Variants in NOMO1 observed in about 807,000 individuals in gnomAD.
NOMO1 encodes the protein NODAL modulator 1, also known as nodal modulator 3.
NOMO1 carries 40 observed loss-of-function variants against 133.8 expected under a neutral mutation model. That is an observed-to-expected ratio of 0.30 (90% confidence interval 0.23 to 0.39). The LOEUF is 0.39. Ranked by LOEUF, NOMO1 falls within the 10% of genes least tolerant of loss-of-function variation. The pLI, the probability that NOMO1 is intolerant of heterozygous loss-of-function variation, is 1.00. For missense variants in NOMO1, 462 were observed against 1,419.9 expected, an observed-to-expected ratio of 0.33 and a Z score of 10.84; for synonymous variants, 236 against 570.5, an observed-to-expected ratio of 0.41 and a Z score of 8.36.
At chr16:14,846,315 C>T (rs1963680987) in intron 4 of NOMO1, among the ~76,000 whole-genome samples, 1 of 151,190 alleles carries the variant, frequency 6.6e-6, no homozygotes, top group South Asian at 2.1e-4. Flanking sequence ...GCGTGAACCA[C>T]CACACCCGCC....
At chr16:14,877,317 A>G (rs1964176471) in intron 22 of NOMO1, among the ~76,000 whole-genome samples, 1 of 141,890 alleles carries the variant, frequency 7.0e-6, no homozygotes, top group African/African-American at 2.6e-5. Context: ...TTTGCTGCCT[A>G]GCTCCCTTCC....
intron 15 of NOMO1, among the ~76,000 whole-genome samples, chr16:14,867,178 T>A (rs868605225): frequency 4.8e-3 from 38 of 7,966 alleles, no homozygotes; most frequent in African/African-American, 7.2e-3. Flanking sequence ...ATATATATAT[T>A]TTTTTTTTTT....
intron 11 of NOMO1, chr16:14,862,230 C>T (rs891859995): frequency 6.6e-6 from 1 of 151,834 alleles, no homozygotes; most frequent in African/African-American, 2.4e-5. Context: ...AACTGTGACC[C>T]CCAGCTAGGA....
At chr16:14,864,804 C>T in intron 13 of NOMO1, 78 bp downstream of exon 13, 2 of 1,611,428 alleles carry the variant, frequency 1.2e-6, no homozygotes, top group Admixed American at 3.3e-5. Context: ...GAAACTTTTC[C>T]TTTTGCCTTT....
intron 29 of NOMO1, among the ~76,000 whole-genome samples, chr16:14,889,604 C>G (rs1335765108): frequency 3.3e-5 from 5 of 151,948 alleles, no homozygotes; most frequent in Non-Finnish European, 5.9e-5. Flanking sequence ...GTCCATACAA[C>G]CTGTGCTCCA....
chr16:14,887,003 C>G (rs1246407130), intron 28 of NOMO1, 141 bp downstream of exon 28: 3 of 991,748 alleles, frequency 3.0e-6, no homozygotes, highest in Admixed American at 5.2e-5. Flanking sequence ...AGGTTGGGTT[C>G]TGTAGGGATT....
rs1423680803 is a variant in NOMO1 at position 14,857,139 on chromosome 16, C to G, written c.964-78C>G. 5 of 1,604,676 alleles carry G rather than the reference C, an allele frequency of 3.1e-6. No homozygotes were observed. In the Admixed American group the frequency reaches 8.4e-5, roughly 27 times the overall value. On this transcript the variant is annotated intron_variant, in intron 9 of 30. Coordinates refer to ENST00000287667, the MANE Select transcript of NOMO1 (RefSeq NM_014287.4). Reference sequence around the variant, plus strand: ...AGGAGCAGACATGGTAGGTGGTGGCCGGCGCAGCAGAAGGAGTCTTTGTGG... The same window carrying G: ...AGGAGCAGACATGGTAGGTGGTGGCGGGCGCAGCAGAAGGAGTCTTTGTGG...
chr16:14,859,647 T>C (rs1963893240), intron 11 of NOMO1, among the ~76,000 whole-genome samples: 1 of 151,854 alleles, frequency 6.6e-6, no homozygotes, highest in Non-Finnish European at 1.5e-5. Context: ...AAACACCATC[T>C]CTACCAAAAA....
At chr16:14,850,732 T>C (rs1475931264) in intron 6 of NOMO1, among the ~76,000 whole-genome samples, 3 of 151,910 alleles carry the variant, frequency 2.0e-5, no homozygotes, top group Admixed American at 6.6e-5. Context: ...ATTCTCTTCT[T>C]ACTGTTTATG....
chr16:14,893,564 T>G (rs1015358560), intron 29 of NOMO1, among the ~76,000 whole-genome samples: 1 of 151,906 alleles, frequency 6.6e-6, no homozygotes, highest in African/African-American at 2.4e-5. Context: ...GATACAGGAG[T>G]AGGCAGTTGT....
In NOMO1 at chr16:14,867,362, C is replaced by CT. The variant is rs1206261159; in HGVS notation, c.1806+681dup. ...GCCGCCATGCCCAGCTAATTTTTTT[C>CT]TTTTTTTTTTGTATTTTTGTTAGAG... On this transcript the variant is annotated intron_variant, in intron 15 of 30. Coordinates refer to ENST00000287667, the MANE Select transcript of NOMO1 (RefSeq NM_014287.4). Among the ~76,000 whole-genome samples the CT allele has an allele frequency of 5.1e-4, 39 of 77,070 alleles. 1 individual carries two copies. The highest frequency in any genetic ancestry group is 1.4e-3 in the South Asian group (3 of 2,194). 50.6% of individuals were successfully genotyped at this position (77,070 alleles called of 152,430 possible).
At chr16:14,874,189 G>A (rs567562197) in intron 18 of NOMO1, among the ~76,000 whole-genome samples, 92 of 151,418 alleles carry the variant, frequency 6.1e-4, no homozygotes, top group East Asian at 1.9e-3. Flanking sequence ...ATGAAGGAGC[G>A]AACGATTTCT....
intron 28 of NOMO1, chr16:14,888,604 C>G (rs978901546): frequency 8.2e-6 from 2 of 243,900 alleles, no homozygotes; most frequent in Non-Finnish European, 1.6e-5. Flanking sequence ...TGCCTGGCAG[C>G]TGGTCGGTGC....
At chr16:14,881,470 G>A in intron 24 of NOMO1, 74 bp from the exon 25 acceptor site, 2 of 1,609,144 alleles carry the variant, frequency 1.2e-6, no homozygotes. Context: ...CATAATTGTT[G>A]GTAAACGGGA....
At chr16:14,856,158 A>G (rs1185272293) in intron 9 of NOMO1, among the ~76,000 whole-genome samples, 1 of 152,108 alleles carries the variant, frequency 6.6e-6, no homozygotes, top group East Asian at 1.9e-4. Context: ...CCCTGTCTCC[A>G]TGAGGTAACA....
At chr16:14,883,520 C>T (rs1340028321) in intron 26 of NOMO1, among the ~76,000 whole-genome samples, 3 of 151,538 alleles carry the variant, frequency 2.0e-5, no homozygotes, top group South Asian at 2.1e-4. Flanking sequence ...TTAGTAGAGA[C>T]GGGGTTTCAC....
chr16:14,846,691 G>A lies in NOMO1; in HGVS notation c.509+8G>A. Reference sequence around the variant, plus strand: ...TACACAGCCTGGCGGAAAGTGAGTAGCGTCCTGTCTCTTAGTGTTGCCTTA... The same window carrying A: ...TACACAGCCTGGCGGAAAGTGAGTAACGTCCTGTCTCTTAGTGTTGCCTTA... On this transcript the variant is annotated splice_region_variant and intron_variant, in intron 5 of 30. Coordinates refer to ENST00000287667, the MANE Select transcript of NOMO1 (RefSeq NM_014287.4). 9.3e-7 allele frequency: 1 copy of A among 1,075,788 alleles called. No individual in the cohort carries two copies. The highest frequency in any genetic ancestry group is 1.4e-6 in the Non-Finnish European group (1 of 735,332). The allele number at this position is 1,075,788 out of a possible 1,614,324, so 66.6% of individuals were successfully genotyped here.
intron 11 of NOMO1, among the ~76,000 whole-genome samples, chr16:14,860,294 G>A (rs2606813): frequency 2.0e-5 from 3 of 151,062 alleles, no homozygotes; most frequent in South Asian, 2.1e-4. Flanking sequence ...CTTGAACCCG[G>A]GAGGCAGGGG....
chr16:14,843,262 C>T (rs1047345643), intron 3 of NOMO1, among the ~76,000 whole-genome samples: 2 of 142,840 alleles, frequency 1.4e-5, no homozygotes, highest in African/African-American at 5.3e-5. Context: ...GTGATCTCTT[C>T]TACTGTTGAT....
Sources: allele counts gnomAD v4.1 joint callset (sites outside exome capture counted in the v4.1 genomes callset), GRCh38; gene constraint gnomAD v4.1.1; transcripts MANE v1.5; gene names NCBI Gene and HGNC (gene_info 2026-07-23, HGNC 2026-07-21).